The following ACADSB variants were observed in gnomAD, a reference collection of about 807,000 sequenced individuals.
ACADSB encodes the protein acyl-CoA dehydrogenase short/branched chain.
ACADSB carries 40 observed loss-of-function variants against 54.1 expected under a neutral mutation model. The ratio of observed to expected loss-of-function variants is 0.74; its 90% confidence interval spans 0.57 to 0.96. The LOEUF (loss-of-function observed/expected upper bound fraction) is 0.96, where lower values mean the gene tolerates loss of function less well. ACADSB is among the 40% of genes least tolerant of loss of function. ACADSB has a pLI of 0.00. For synonymous variants in ACADSB, 182 were observed against 182.8 expected (o/e 1.00, Z 0.03); for missense variants, 530 against 510.4 (o/e 1.04, Z -0.37).
chr10:123,036,857 TGA>T (rs1332998811), intron 2 of ACADSB, among the ~76,000 whole-genome samples: 10 of 152,128 alleles, frequency 6.6e-5, no homozygotes, highest in Admixed American at 6.5e-4. Flanking sequence ...TTCTACATAA[TGA>T]GAGTCGCGTG....
intron 2 of ACADSB, among the ~76,000 whole-genome samples, chr10:123,034,883 G>A (rs1850376640): frequency 6.6e-6 from 1 of 151,994 alleles, no homozygotes; most frequent in South Asian, 2.1e-4. Context: ...GCCTTGCAGA[G>A]TTAGAAGTAC....
chr10:123,054,043 T>TA lies in ACADSB; in HGVS notation c.*278_*279insA. ...AGCTGTATACGCATACATATATATA[T>TA]TTTTACTCTGTCTTACTCTGTCACC... On this transcript the variant is annotated 3_prime_UTR_variant, in exon 11 of 11. Coordinates refer to ENST00000358776, the MANE Select transcript of ACADSB (RefSeq NM_001609.4). 1 of 483,812 alleles carries TA rather than the reference T, an allele frequency of 2.1e-6. No individual in the cohort carries two copies. Among genetic ancestry groups the TA allele is most frequent in the Non-Finnish European group, 3.8e-6 (1 of 266,398 alleles). The allele number at this position is 483,812 out of a possible 1,614,324, so 30.0% of individuals were successfully genotyped here. A position where few individuals can be genotyped will look rare whatever the true frequency, so the allele number is the denominator to read the frequency against.
chr10:123,049,935 A>G (rs1229944535), intron 8 of ACADSB, among the ~76,000 whole-genome samples: 1 of 152,244 alleles, frequency 6.6e-6, no homozygotes, highest in Non-Finnish European at 1.5e-5. Context: ...TCCTTGAAAT[A>G]TACCATAAAG....
At chr10:123,036,561 G>A (rs1288706380) in intron 2 of ACADSB, among the ~76,000 whole-genome samples, 1 of 152,116 alleles carries the variant, frequency 6.6e-6, no homozygotes, top group Non-Finnish European at 1.5e-5. Context: ...TATCCACCTA[G>A]TCTAAGCACA....
chr10:123,036,878 C>T (rs184500288), intron 2 of ACADSB, among the ~76,000 whole-genome samples: 44 of 152,232 alleles, frequency 2.9e-4, no homozygotes, highest in Middle Eastern at 3.4e-3. Flanking sequence ...TGTGCAGAAA[C>T]GAAGGAATAC....
At chr10:123,033,809 G>A (rs1850359935) in intron 1 of ACADSB, among the ~76,000 whole-genome samples, 1 of 152,024 alleles carries the variant, frequency 6.6e-6, no homozygotes, top group South Asian at 2.1e-4. Context: ...GACTTCAGAG[G>A]TTATTTTCTT....
intron 1 of ACADSB, among the ~76,000 whole-genome samples, chr10:123,026,072 A>G (rs554387220): frequency 6.6e-6 from 1 of 152,296 alleles, no homozygotes; most frequent in South Asian, 2.1e-4. Flanking sequence ...CTGTCTCACA[A>G]CAAAAAAACA....
intron 1 of ACADSB, among the ~76,000 whole-genome samples, chr10:123,032,339 CAT>C (rs1850337967): frequency 6.6e-6 from 1 of 152,104 alleles, no homozygotes; most frequent in African/African-American, 2.4e-5. Flanking sequence ...CTAACAGACA[CAT>C]AGAATTCTGT....
chr10:123,035,117 T>G (rs1198262528), intron 2 of ACADSB, among the ~76,000 whole-genome samples: 2 of 151,990 alleles, frequency 1.3e-5, no homozygotes, highest in African/African-American at 4.8e-5. Flanking sequence ...GCCTGGCTAG[T>G]TTTTTTGTAT....
chr10:123,049,156 TA>T (rs1190324667), intron 8 of ACADSB, among the ~76,000 whole-genome samples: 1 of 152,208 alleles, frequency 6.6e-6, no homozygotes. Context: ...GCAACATTAT[TA>T]TAGCTGTATA....
chr10:123,032,105 G>A (rs1434190159), intron 1 of ACADSB, among the ~76,000 whole-genome samples: 1 of 151,782 alleles, frequency 6.6e-6, no homozygotes, highest in African/African-American at 2.4e-5. Flanking sequence ...TCAGCCTCCC[G>A]AGTAGCTGGG....
At chr10:123,027,781 T>C (rs931108275) in intron 1 of ACADSB, among the ~76,000 whole-genome samples, 3 of 152,194 alleles carry the variant, frequency 2.0e-5, no homozygotes, top group African/African-American at 7.2e-5. Flanking sequence ...TTTTATTACT[T>C]GTAACAAGTT....
At position 123,037,822 on chromosome 10, in the gene ACADSB, T is replaced by C. The variant is rs774877824; in HGVS notation, c.278T>C (p.Val93Ala). The C allele has an allele frequency of 6.2e-7, 1 of 1,606,582 alleles. No homozygotes were observed. Among genetic ancestry groups the C allele is most frequent in the Non-Finnish European group, 8.5e-7 (1 of 1,173,352 alleles). ...GAAAATTCGAAAATGGAGAAATCAGTAATACAAGGATTATTTCAACAAGGG... is the reference window on the plus strand; with the variant it reads ...GAAAATTCGAAAATGGAGAAATCAGCAATACAAGGATTATTTCAACAAGGG... ...MDENSKMEKS[V>A]IQGLFQQGLM... Residue 93 changes from valine (V) to alanine (A), a missense_variant, in exon 3 of 11, where the codon GTA (valine) becomes GCA (alanine). Coordinates refer to ENST00000358776, the MANE Select transcript of ACADSB (RefSeq NM_001609.4).
At chr10:123,021,187 C>A (rs984410659) in intron 1 of ACADSB, among the ~76,000 whole-genome samples, 1 of 152,156 alleles carries the variant, frequency 6.6e-6, no homozygotes, top group Non-Finnish European at 1.5e-5. Flanking sequence ...CATTAGTCCA[C>A]CATTAATATT....
chr10:123,027,738 G>T, intron 1 of ACADSB: 2 of 260,166 alleles, frequency 7.7e-6, no homozygotes, highest in South Asian at 3.1e-5. Context: ...TATCAATCCA[G>T]TGTCCACAAC....
At chr10:123,026,410 G>A (rs1850252247) in intron 1 of ACADSB, among the ~76,000 whole-genome samples, 3 of 152,094 alleles carry the variant, frequency 2.0e-5, no homozygotes, top group Admixed American at 2.0e-4. Context: ...GTATGTAAAT[G>A]TATCATTCTT....
chr10:123,047,286 A>G lies in ACADSB; in HGVS notation c.978A>G (p.Leu326=), dbSNP rs773311531. Residue 326 remains leucine (L), a synonymous_variant, in exon 8 of 11, where the codon CTA becomes CTG. Transcript: ENST00000358776. ...IKERIQFGKR[L]FDFQGLQHQV... ...AAAGGATACAATTTGGCAAAAGACT[A>G]TTTGATTTTCAGGTATGTAATTATT... The G allele has an allele frequency of 6.3e-6, 10 of 1,584,544 alleles. No individual in the cohort carries two copies. Among genetic ancestry groups the G allele is most frequent in the Non-Finnish European group, 8.7e-6 (10 of 1,152,960 alleles).
chr10:123,013,986 G>C (rs1010745350), intron 1 of ACADSB, among the ~76,000 whole-genome samples: 1 of 152,238 alleles, frequency 6.6e-6, no homozygotes, highest in Non-Finnish European at 1.5e-5. Flanking sequence ...CCTCAAGCGT[G>C]GCCAGAATGG....
chr10:123,035,825 C>A (rs1850391136), intron 2 of ACADSB, among the ~76,000 whole-genome samples: 1 of 152,190 alleles, frequency 6.6e-6, no homozygotes, highest in African/African-American at 2.4e-5. Flanking sequence ...AAACCAGTAA[C>A]TCTCCCTCCC....
Sources: gnomAD v4.1 joint callset for allele counts (sites outside exome capture counted in the v4.1 genomes callset) on GRCh38, gnomAD v4.1.1 for gene constraint, MANE v1.5 for transcripts, NCBI Gene and HGNC (gene_info 2026-07-23, HGNC 2026-07-21) for gene names.